Variants in TYW1 observed in about 807,000 individuals in gnomAD.
TYW1 encodes tRNA-yW synthesizing protein 1 homolog.
TYW1 carries 46 observed loss-of-function variants against 96.2 expected under a neutral mutation model. The observed-to-expected ratio is 0.48, with a 90% CI of 0.38 to 0.61. The LOEUF (loss-of-function observed/expected upper bound fraction) is 0.61. TYW1 is among the 20% of genes least tolerant of loss of function. TYW1 has a pLI of 0.00. For synonymous variants in TYW1, 274 were observed against 323.0 expected (o/e 0.85, Z 1.63); for missense variants, 684 against 909.6 (o/e 0.75, Z 3.19).
intron 9 of TYW1, among the ~76,000 whole-genome samples, chr7:67,059,738 G>A (rs544303471): frequency 6.6e-6 from 1 of 151,234 alleles, no homozygotes; most frequent in Non-Finnish European, 1.5e-5. Flanking sequence ...ATCTTTCTCA[G>A]AAAGCATGAC....
At chr7:67,147,193 T>TA (rs1798634836) in intron 13 of TYW1, among the ~76,000 whole-genome samples, 1 of 152,026 alleles carries the variant, frequency 6.6e-6, no homozygotes, top group African/African-American at 2.4e-5. Context: ...AATACAACAG[T>TA]AAAAAAATAC....
chr7:67,210,665 A>G (rs1800970011), intron 15 of TYW1, among the ~76,000 whole-genome samples: 1 of 148,562 alleles, frequency 6.7e-6, no homozygotes, highest in Non-Finnish European at 1.5e-5. Context: ...GCATCCATCC[A>G]TCCGTCATCT....
intron 6 of TYW1, among the ~76,000 whole-genome samples, chr7:67,021,586 A>C (rs1794277151): frequency 2.0e-5 from 3 of 152,256 alleles, no homozygotes. Context: ...CCTTTCATTA[A>C]AGCATTTCCC....
At chr7:66,999,181 G>A (rs540076991) in intron 3 of TYW1, among the ~76,000 whole-genome samples, 1 of 152,126 alleles carries the variant, frequency 6.6e-6, no homozygotes, top group Admixed American at 6.6e-5. Context: ...GGTGTCTGAT[G>A]GTCAGTGTCT....
chr7:67,074,915 C>T (rs754392654), intron 10 of TYW1, among the ~76,000 whole-genome samples: 1 of 152,040 alleles, frequency 6.6e-6, no homozygotes, highest in African/African-American at 2.4e-5. Context: ...TCACTGTAAC[C>T]TCTGTCTCCT....
intron 7 of TYW1, among the ~76,000 whole-genome samples, chr7:67,026,933 A>C (rs1329826150): frequency 6.6e-6 from 1 of 152,102 alleles, no homozygotes; most frequent in Non-Finnish European, 1.5e-5. Flanking sequence ...GCAGTGGCTC[A>C]CCCTGTAATC....
chr7:67,023,782 C>T (rs1387776234), intron 6 of TYW1, among the ~76,000 whole-genome samples: 1 of 152,012 alleles, frequency 6.6e-6, no homozygotes, highest in African/African-American at 2.4e-5. Flanking sequence ...ACAAAAACAA[C>T]AACAACAAAG....
intron 11 of TYW1, among the ~76,000 whole-genome samples, chr7:67,090,391 G>A (rs1168783517): frequency 6.6e-6 from 1 of 152,128 alleles, no homozygotes; most frequent in Non-Finnish European, 1.5e-5. Context: ...AATATACTGA[G>A]CATTACATCA....
At position 67,239,245 on chromosome 7, in the gene TYW1, T is replaced by G; in HGVS notation, c.*716T>G. Reference sequence around the variant, plus strand: ...GTGGCCATGTGAGGGCATGGAGTCATTAGTCTCACAAACACACTTTGGACT... The same window carrying G: ...GTGGCCATGTGAGGGCATGGAGTCAGTAGTCTCACAAACACACTTTGGACT... On this transcript the variant is annotated 3_prime_UTR_variant, in exon 16 of 16. Coordinates refer to ENST00000359626, the MANE Select transcript of TYW1 (RefSeq NM_018264.4). 1.0e-6 allele frequency: 1 copy of G among 985,434 alleles called. No homozygotes were observed. The highest frequency in any genetic ancestry group is 1.2e-6 in the Non-Finnish European group (1 of 829,960). 61.0% of individuals were successfully genotyped at this position (985,434 alleles called of 1,614,324 possible). A position where few individuals can be genotyped will look rare whatever the true frequency, so the allele number is the denominator to read the frequency against.
chr7:67,018,329 G>A (rs149118437), intron 6 of TYW1, among the ~76,000 whole-genome samples, 186 bp downstream of exon 6: 2,581 of 151,984 alleles, frequency 0.017, 71 homozygotes, highest in African/African-American at 0.058. Flanking sequence ...GCTTGAGTCC[G>A]GGAGTTCAAG....
chr7:67,083,823 T>G (rs1231589561), intron 11 of TYW1, among the ~76,000 whole-genome samples: 1 of 152,116 alleles, frequency 6.6e-6, no homozygotes, highest in Admixed American at 6.6e-5. Flanking sequence ...TCACCTGAGG[T>G]CAGGAGTTCG....
At chr7:67,053,334 G>A (rs1273280116) in intron 8 of TYW1, among the ~76,000 whole-genome samples, 2 of 150,980 alleles carry the variant, frequency 1.3e-5, no homozygotes, top group Non-Finnish European at 2.9e-5. Context: ...ATTGCCCCCA[G>A]TCCTTCCCTT....
chr7:67,176,359 C>A (rs1199080904), intron 13 of TYW1, among the ~76,000 whole-genome samples: 1 of 152,150 alleles, frequency 6.6e-6, no homozygotes, highest in African/African-American at 2.4e-5. Context: ...TAGCCACTAG[C>A]TACATGTGAC....
At chr7:67,197,972 G>A (rs10264145) in intron 15 of TYW1, among the ~76,000 whole-genome samples, 7 of 59,718 alleles carry the variant, frequency 1.2e-4, no homozygotes, top group East Asian at 8.6e-4. Context: ...CCCCGCCCCC[G>A]CAGCATACAC....
chr7:67,169,901 A>G (rs1799465443), intron 13 of TYW1, among the ~76,000 whole-genome samples: 1 of 152,246 alleles, frequency 6.6e-6, no homozygotes, highest in Non-Finnish European at 1.5e-5. Flanking sequence ...GCTGGGTCAT[A>G]TAGTAATTCT....
intron 15 of TYW1, among the ~76,000 whole-genome samples, chr7:67,214,268 ATTGT>A (rs1801136229): frequency 6.6e-6 from 1 of 152,072 alleles, no homozygotes; most frequent in African/African-American, 2.4e-5. Flanking sequence ...TGTAAACATG[ATTGT>A]TTGGAATTTC....
At chr7:67,091,463 A>G (rs1796719688) in intron 11 of TYW1, among the ~76,000 whole-genome samples, 1 of 152,152 alleles carries the variant, frequency 6.6e-6, no homozygotes, top group South Asian at 2.1e-4. Flanking sequence ...CACCTAATGT[A>G]AATGACGAGT....
intron 15 of TYW1, among the ~76,000 whole-genome samples, chr7:67,227,895 G>A: frequency 6.6e-6 from 1 of 152,204 alleles, no homozygotes; most frequent in East Asian, 1.9e-4. Context: ...GTTAATGTGT[G>A]TCCTTATGCT....
chr7:67,179,191 A>T (rs2687041), intron 13 of TYW1, among the ~76,000 whole-genome samples: 1 of 132,018 alleles, frequency 7.6e-6, no homozygotes, highest in African/African-American at 3.1e-5. Context: ...AAATAAAGGG[A>T]TGTGTTATTT....
Sources: gnomAD v4.1 joint callset for allele counts (sites outside exome capture counted in the v4.1 genomes callset) on GRCh38, gnomAD v4.1.1 for gene constraint, MANE v1.5 for transcripts, NCBI Gene and HGNC (gene_info 2026-07-23, HGNC 2026-07-21) for gene names.